NCOA1: variants seen among roughly 807,000 people sequenced by gnomAD.
NCOA1 encodes the protein nuclear receptor coactivator 1, also known as Hin-2 protein.
In NCOA1, 35 loss-of-function variants were observed where a neutral mutation model predicts 150.9. The observed-to-expected ratio is 0.23, with a 90% CI of 0.18 to 0.31. NCOA1 has a LOEUF of 0.31. Among genes scored for constraint, NCOA1 ranks in the 10% least tolerant of loss-of-function variants. The probability of loss-of-function intolerance (pLI) is 1.00; values close to 1 mark genes in which losing one functional copy is unlikely to be tolerated. For missense variants in NCOA1, 1,491 were observed against 1,749.3 expected (o/e 0.85, Z 2.63); for synonymous variants, 590 against 630.0 (o/e 0.94, Z 0.95).
rs564336006 is a variant in NCOA1, at chr2:24,636,736, C to T, written c.-174-7230C>T. ...CAGTATTTTACCATTATATAAAATA[C>T]TAGCTGTAGGTTTTTCATTTATCTC... On this transcript the variant is annotated intron_variant, in intron 3 of 22. Coordinates refer to ENST00000348332, the MANE Select transcript of NCOA1 (RefSeq NM_003743.5). Among the ~76,000 whole-genome samples the T allele has an allele frequency of 7.2e-5, 11 of 152,114 alleles. No individual in the cohort carries two copies. The East Asian group carries it at 1.2e-3, about 16-fold the overall frequency.
intron 3 of NCOA1, among the ~76,000 whole-genome samples, chr2:24,612,668 T>G (rs987040305): frequency 6.6e-6 from 1 of 152,176 alleles, no homozygotes; most frequent in Admixed American, 6.5e-5. Context: ...TTCTTCTGCT[T>G]GGTCCAGTCT....
At chr2:24,690,311 A>AAG in intron 8 of NCOA1, among the ~76,000 whole-genome samples, 1 of 152,226 alleles carries the variant, frequency 6.6e-6, no homozygotes, top group East Asian at 1.9e-4. Flanking sequence ...GGAAAAAAGG[A>AAG]AGGAGGGTCA....
At chr2:24,639,316 A>G (rs1470777932) in intron 3 of NCOA1, among the ~76,000 whole-genome samples, 2 of 151,954 alleles carry the variant, frequency 1.3e-5, no homozygotes, top group African/African-American at 4.8e-5. Flanking sequence ...GAGATTTTTC[A>G]TGTTATCTCA....
chr2:24,633,155 C>CAT (rs892388411), intron 3 of NCOA1, among the ~76,000 whole-genome samples: 18 of 151,636 alleles, frequency 1.2e-4, no homozygotes, highest in Admixed American at 5.9e-4. Context: ...TACACACACA[C>CAT]ATATATATAT....
At chr2:24,689,718 ATTTAC>A (rs1294078136) in intron 8 of NCOA1, among the ~76,000 whole-genome samples, 1 of 152,186 alleles carries the variant, frequency 6.6e-6, no homozygotes, top group South Asian at 2.1e-4. Flanking sequence ...CATAGGGTCT[ATTTAC>A]TTTAGTTGGA....
intron 1 of NCOA1, among the ~76,000 whole-genome samples, chr2:24,517,157 C>T (rs559551593): frequency 1.3e-5 from 2 of 151,678 alleles, no homozygotes; most frequent in South Asian, 4.2e-4. Context: ...GCCCCATTTA[C>T]ACACTTATTT....
chr2:24,542,441 T>C (rs1665435936), intron 1 of NCOA1, among the ~76,000 whole-genome samples: 1 of 152,238 alleles, frequency 6.6e-6, no homozygotes, highest in African/African-American at 2.4e-5. Context: ...TTTGAATTAA[T>C]AGACTATACG....
intron 22 of NCOA1, among the ~76,000 whole-genome samples, chr2:24,765,070 A>C (rs1415753911): frequency 1.3e-5 from 2 of 149,358 alleles, no homozygotes; most frequent in Admixed American, 1.3e-4. Context: ...CCAGCTATTC[A>C]GGAAGTTGAG....
intron 3 of NCOA1, among the ~76,000 whole-genome samples, chr2:24,611,614 G>T (rs1668631278): frequency 6.6e-6 from 1 of 152,102 alleles, no homozygotes; most frequent in South Asian, 2.1e-4. Context: ...GCTCCAGTGG[G>T]TTTATATTTA....
chr2:24,751,415 T>C (rs1439239852), intron 19 of NCOA1, among the ~76,000 whole-genome samples: 1 of 151,688 alleles, frequency 6.6e-6, no homozygotes, highest in Non-Finnish European at 1.5e-5. Flanking sequence ...AAACCCCGTC[T>C]CCTCTAAAAA....
intron 14 of NCOA1, among the ~76,000 whole-genome samples, chr2:24,722,975 T>C (rs1382833087): frequency 9.7e-6 from 1 of 103,308 alleles, no homozygotes; most frequent in Non-Finnish European, 1.9e-5. Flanking sequence ...TGGGCGACAG[T>C]GAGACCCTGT....
At chr2:24,496,739 T>C (rs1367895631) in intron 1 of NCOA1, among the ~76,000 whole-genome samples, 4 of 152,178 alleles carry the variant, frequency 2.6e-5, no homozygotes, top group African/African-American at 9.7e-5. Flanking sequence ...CTGAGCAGAC[T>C]AAGTCCATGC....
chr2:24,591,938 T>C (rs1242167786), intron 3 of NCOA1, among the ~76,000 whole-genome samples: 1 of 152,180 alleles, frequency 6.6e-6, no homozygotes, highest in Non-Finnish European at 1.5e-5. Flanking sequence ...AAATACCTTT[T>C]ATTTTTTTCT....
At chr2:24,695,205 G>A (rs1279756861) in intron 10 of NCOA1, among the ~76,000 whole-genome samples, 1 of 151,716 alleles carries the variant, frequency 6.6e-6, no homozygotes, top group East Asian at 1.9e-4. Flanking sequence ...AGATATACCT[G>A]GTAATATGTA....
chr2:24,560,994 C>T (rs1425525676), intron 1 of NCOA1, among the ~76,000 whole-genome samples: 4 of 151,986 alleles, frequency 2.6e-5, no homozygotes, highest in South Asian at 4.1e-4. Flanking sequence ...ATAGGGGATT[C>T]GTTACACAAA....
intron 11 of NCOA1, among the ~76,000 whole-genome samples, chr2:24,702,025 A>G (rs1673188546): frequency 6.6e-6 from 1 of 152,210 alleles, no homozygotes; most frequent in South Asian, 2.1e-4. Flanking sequence ...AAGAAAAAAA[A>G]TATATCATGA....
intron 3 of NCOA1, among the ~76,000 whole-genome samples, chr2:24,614,152 A>G (rs1668760440): frequency 8.0e-6 from 1 of 124,776 alleles, no homozygotes; most frequent in South Asian, 2.5e-4. Context: ...AGTATCTGGA[A>G]GCTTTATTAC....
intron 1 of NCOA1, among the ~76,000 whole-genome samples, chr2:24,494,734 G>A (rs955171366): frequency 6.6e-6 from 1 of 152,156 alleles, no homozygotes; most frequent in Non-Finnish European, 1.5e-5. Flanking sequence ...TGTGTTTCAG[G>A]AGGTGGATGT....
intron 8 of NCOA1, among the ~76,000 whole-genome samples, chr2:24,686,506 A>G (rs1672412392): frequency 1.3e-5 from 2 of 152,232 alleles, no homozygotes; most frequent in Non-Finnish European, 2.9e-5. Context: ...TAGCTAGATA[A>G]TGTAAACTAC....
Sources: gnomAD v4.1 joint callset for allele counts (sites outside exome capture counted in the v4.1 genomes callset) on GRCh38, gnomAD v4.1.1 for gene constraint, MANE v1.5 for transcripts, NCBI Gene and HGNC (gene_info 2026-07-23, HGNC 2026-07-21) for gene names.